The following SGCZ variants were observed in gnomAD, a reference collection of about 807,000 sequenced individuals.
SGCZ encodes sarcoglycan zeta.
SGCZ carries 40 observed loss-of-function variants against 41.3 expected under a neutral mutation model. The observed-to-expected ratio is 0.97, with a 90% CI of 0.75 to 1.26. The LOEUF is 1.26. Among genes scored for constraint, SGCZ ranks in the 50% most tolerant of loss-of-function variants. The pLI is 0.00. For synonymous variants in SGCZ, 206 were observed against 137.5 expected (o/e 1.50, Z -3.49); for missense variants, 552 against 369.8 (o/e 1.49, Z -4.04).
chr8:14,851,381 AAAAAAAAAAGAAAAAAAGAAAAAAG>A (rs1803317763), intron 1 of SGCZ, among the ~76,000 whole-genome samples: 1 of 142,864 alleles, frequency 7.0e-6, no homozygotes, highest in African/African-American at 2.6e-5. Context: ...AAAAAAAAAA[AAAAAAAAAAGAAAAAAAGAAAAAAG>A]AAAAAAGTAT....
At chr8:14,797,898 C>T (rs1416387896) in intron 1 of SGCZ, among the ~76,000 whole-genome samples, 1 of 152,206 alleles carries the variant, frequency 6.6e-6, no homozygotes, top group East Asian at 1.9e-4. Flanking sequence ...TGGCAGTTTA[C>T]ACGTGGTGTT....
chr8:14,464,310 C>G (rs1294147452), intron 2 of SGCZ, among the ~76,000 whole-genome samples: 1 of 151,328 alleles, frequency 6.6e-6, no homozygotes, highest in Non-Finnish European at 1.5e-5. Flanking sequence ...AGTTATAGGT[C>G]TATTCAAATT....
At chr8:15,142,868 C>T (rs1346550934) in intron 1 of SGCZ, among the ~76,000 whole-genome samples, 2 of 152,138 alleles carry the variant, frequency 1.3e-5, no homozygotes, top group Non-Finnish European at 2.9e-5. Flanking sequence ...CCTTGGCCTC[C>T]CAAAGTGCTG....
chr8:14,731,095 T>C (rs1209458736), intron 1 of SGCZ, among the ~76,000 whole-genome samples: 3 of 151,890 alleles, frequency 2.0e-5, no homozygotes, highest in African/African-American at 4.8e-5. Context: ...AGTATGTTTA[T>C]TGTGGCACTG....
intron 1 of SGCZ, among the ~76,000 whole-genome samples, chr8:15,202,731 G>T (rs1408336381): frequency 6.6e-6 from 1 of 152,080 alleles, no homozygotes; most frequent in East Asian, 1.9e-4. Context: ...TTTCTGAATT[G>T]ATAGTAGGAA....
chr8:14,165,504 GA>G (rs1276458994), intron 4 of SGCZ: 5 of 152,040 alleles, frequency 3.3e-5, no homozygotes, highest in Admixed American at 1.3e-4. Flanking sequence ...TGAGGAGGAA[GA>G]AATTTGAGAT....
At chr8:14,444,988 C>G (rs533814523) in intron 2 of SGCZ, among the ~76,000 whole-genome samples, 4 of 152,192 alleles carry the variant, frequency 2.6e-5, no homozygotes, top group Non-Finnish European at 5.9e-5. Flanking sequence ...GCTTCACTGA[C>G]TCCATTACTT....
At chr8:14,368,492 G>T (rs112270136) in intron 2 of SGCZ, among the ~76,000 whole-genome samples, 4 of 152,010 alleles carry the variant, frequency 2.6e-5, no homozygotes, top group Admixed American at 6.6e-5. Context: ...TAAGACCTTA[G>T]TCCTCCATAC....
At chr8:15,225,459 G>A (rs144326641) in intron 1 of SGCZ, among the ~76,000 whole-genome samples, 25 of 152,230 alleles carry the variant, frequency 1.6e-4, no homozygotes, top group Middle Eastern at 3.4e-3. Context: ...GAACTTAGTC[G>A]TTCATTGAAG....
At chr8:14,419,153 T>C (rs555163745) in intron 2 of SGCZ, among the ~76,000 whole-genome samples, 3 of 151,906 alleles carry the variant, frequency 2.0e-5, no homozygotes, top group African/African-American at 7.2e-5. Context: ...ACCAAACTCA[T>C]AAAATATAAA....
intron 1 of SGCZ, among the ~76,000 whole-genome samples, chr8:14,607,080 C>A (rs1370417406): frequency 6.6e-6 from 1 of 152,108 alleles, no homozygotes; most frequent in Admixed American, 6.6e-5. Flanking sequence ...CTCATCTATT[C>A]ATTGACTGTG....
At position 14,696,642 on chromosome 8, in the gene SGCZ, T is replaced by A. The variant is rs184217178; in HGVS notation, c.40-141716A>T. 2.6e-5 allele frequency among the ~76,000 whole-genome samples: 4 copies of A among 152,238 alleles called. No homozygotes were observed. In the East Asian group the frequency reaches 7.7e-4, roughly 29 times the overall value. ...TATGACCTTCCATTTATTCAGCCTC[T>A]CTTCTGCTTATCTGGCTTTTCTCTT... On this transcript the variant is annotated intron_variant, in intron 1 of 7. Coordinates refer to ENST00000382080, the MANE Select transcript of SGCZ (RefSeq NM_139167.4).
At chr8:14,688,867 T>A (rs1024917489) in intron 1 of SGCZ, among the ~76,000 whole-genome samples, 3 of 152,078 alleles carry the variant, frequency 2.0e-5, no homozygotes, top group African/African-American at 7.2e-5. Flanking sequence ...GAAAATCCCA[T>A]TGTCTCAGCC....
rs562653761 is a variant in SGCZ at position 14,565,126 on chromosome 8, A to G, written c.40-10200T>C. Among the ~76,000 whole-genome samples, 6 of 152,352 alleles carry G rather than the reference A, an allele frequency of 3.9e-5. No homozygotes were observed. The East Asian group carries it at 1.2e-3, about 29-fold the overall frequency. Reference sequence around the variant, plus strand: ...CTAGCCAAGCCTGACAGAAAAGAGAAAACTGAATAGGCACTAAAAGGGAAA... The same window carrying G: ...CTAGCCAAGCCTGACAGAAAAGAGAGAACTGAATAGGCACTAAAAGGGAAA... On this transcript the variant is annotated intron_variant, in intron 1 of 7. Coordinates refer to ENST00000382080, the MANE Select transcript of SGCZ (RefSeq NM_139167.4).
At chr8:14,551,525 A>ATATATAT (rs1563404505) in intron 2 of SGCZ, among the ~76,000 whole-genome samples, 17 of 6,110 alleles carry the variant, frequency 2.8e-3, no homozygotes, top group Non-Finnish European at 3.8e-3. Context: ...ATTATATATA[A>ATATATAT]TATATATAAT....
intron 4 of SGCZ, among the ~76,000 whole-genome samples, chr8:14,204,236 G>C (rs924053725): frequency 2.6e-5 from 4 of 151,650 alleles, no homozygotes; most frequent in Admixed American, 6.6e-5. Context: ...CTGTTGCTTA[G>C]AGATGGATCT....
At chr8:14,759,049 A>C (rs1428839254) in intron 1 of SGCZ, among the ~76,000 whole-genome samples, 1 of 152,066 alleles carries the variant, frequency 6.6e-6, no homozygotes, top group Non-Finnish European at 1.5e-5. Flanking sequence ...AATTCCAAGT[A>C]ATATTTCAGT....
chr8:15,117,110 G>C (rs1054301595), intron 1 of SGCZ, among the ~76,000 whole-genome samples: 1 of 152,152 alleles, frequency 6.6e-6, no homozygotes, highest in African/African-American at 2.4e-5. Context: ...AGTGGCTCAT[G>C]CCTGTAATCC....
intron 1 of SGCZ, among the ~76,000 whole-genome samples, chr8:15,035,660 A>T (rs911455786): frequency 6.6e-6 from 1 of 152,168 alleles, no homozygotes; most frequent in Non-Finnish European, 1.5e-5. Flanking sequence ...TATTCCATGC[A>T]TATGGACACA....
Sources: allele counts gnomAD v4.1 joint callset (sites outside exome capture counted in the v4.1 genomes callset), GRCh38; gene constraint gnomAD v4.1.1; transcripts MANE v1.5; gene names NCBI Gene and HGNC (gene_info 2026-07-23, HGNC 2026-07-21).